CRADD: variants seen among roughly 807,000 people sequenced by gnomAD.
CRADD encodes CARD and death domain containing adaptor protein, also known as death domain-containing protein CRADD.
A neutral mutation model predicts 15.5 loss-of-function variants in CRADD; 9 were observed. The observed-to-expected ratio is 0.58, with a 90% CI of 0.35 to 1.01. The LOEUF (loss-of-function observed/expected upper bound fraction) is 1.01. Among genes scored for constraint, CRADD ranks in the 50% least tolerant of loss-of-function variants. CRADD has a pLI of 0.02. For missense variants in CRADD, 227 were observed against 250.3 expected, an observed-to-expected ratio of 0.91 and a Z score of 0.63; for synonymous variants, 118 against 107.6, an observed-to-expected ratio of 1.10 and a Z score of -0.60.
At chr12:93,872,804 C>T (rs1958432443) in intron 2 of CRADD, among the ~76,000 whole-genome samples, 1 of 152,098 alleles carries the variant, frequency 6.6e-6, no homozygotes. Context: ...GTTTTGGTTA[C>T]TATAGCTTTA....
At chr12:93,886,841 G>A (rs1275145184) in intron 2 of CRADD, among the ~76,000 whole-genome samples, 1 of 152,160 alleles carries the variant, frequency 6.6e-6, no homozygotes, top group Non-Finnish European at 1.5e-5. Flanking sequence ...AATCTGCGGA[G>A]GTTCCAAAGG....
intron 2 of CRADD, among the ~76,000 whole-genome samples, chr12:93,751,513 CT>C (rs1956828248): frequency 6.6e-6 from 1 of 152,198 alleles, no homozygotes; most frequent in Admixed American, 6.5e-5. Context: ...TTCCCAATCA[CT>C]GCTTAAACAA....
At chr12:93,855,845 G>A (rs573147091) in intron 2 of CRADD, among the ~76,000 whole-genome samples, 1 of 152,210 alleles carries the variant, frequency 6.6e-6, no homozygotes, top group Non-Finnish European at 1.5e-5. Context: ...TTGAGACGGA[G>A]TCTTGCTCTG....
chr12:93,789,269 G>C (rs1018835846), intron 2 of CRADD, among the ~76,000 whole-genome samples: 1 of 152,168 alleles, frequency 6.6e-6, no homozygotes, highest in Admixed American at 6.5e-5. Flanking sequence ...TGCCTCCAGC[G>C]GATTGCCTGG....
intron 2 of CRADD, among the ~76,000 whole-genome samples, chr12:93,760,255 A>G (rs1956937210): frequency 6.6e-6 from 1 of 152,196 alleles, no homozygotes; most frequent in Non-Finnish European, 1.5e-5. Flanking sequence ...TTCTCTTGGA[A>G]AAGAGCGAAG....
intron 2 of CRADD, among the ~76,000 whole-genome samples, chr12:93,819,103 C>T (rs1957740834): frequency 6.6e-6 from 1 of 152,262 alleles, no homozygotes; most frequent in African/African-American, 2.4e-5. Context: ...TGACTCATGT[C>T]ACCCATGTGG....
chr12:93,827,309 G>A (rs887715719), intron 2 of CRADD, among the ~76,000 whole-genome samples: 9 of 152,122 alleles, frequency 5.9e-5, no homozygotes, highest in African/African-American at 2.2e-4. Context: ...CACATAAATG[G>A]AGTTCTACAG....
intron 2 of CRADD, among the ~76,000 whole-genome samples, chr12:93,730,809 G>A (rs1956450817): frequency 1.3e-5 from 2 of 151,218 alleles, no homozygotes; most frequent in African/African-American, 2.4e-5. Flanking sequence ...TCCACCTCCC[G>A]GGTTCAAGCT....
intron 2 of CRADD, among the ~76,000 whole-genome samples, chr12:93,816,786 C>T (rs1051412491): frequency 4.6e-5 from 7 of 152,118 alleles, no homozygotes; most frequent in South Asian, 2.1e-4. Flanking sequence ...GGATGGGGAA[C>T]GGGGGTGCAG....
chr12:93,804,139 C>T (rs1957508177), intron 2 of CRADD, among the ~76,000 whole-genome samples: 1 of 151,920 alleles, frequency 6.6e-6, no homozygotes, highest in African/African-American at 2.4e-5. Flanking sequence ...TACACCATCC[C>T]ATACAAAACA....
At chr12:93,697,268 A>T (rs1373915757) in intron 2 of CRADD, among the ~76,000 whole-genome samples, 1 of 152,186 alleles carries the variant, frequency 6.6e-6, no homozygotes, top group African/African-American at 2.4e-5. Flanking sequence ...TCATGAATAG[A>T]TTAGTGCCTG....
chr12:93,865,590 TA>T (rs1157615922), intron 2 of CRADD, among the ~76,000 whole-genome samples: 5 of 152,132 alleles, frequency 3.3e-5, no homozygotes, highest in Non-Finnish European at 1.5e-5. Context: ...GGCTGATTTT[TA>T]AAAATTTTTT....
chr12:93,798,675 G>A (rs565530262), intron 2 of CRADD, among the ~76,000 whole-genome samples: 1 of 152,246 alleles, frequency 6.6e-6, no homozygotes, highest in African/African-American at 2.4e-5. Context: ...CTCAGCTCCT[G>A]AACACCTGGA....
intron 2 of CRADD, among the ~76,000 whole-genome samples, chr12:93,738,831 GAAGGA>G (rs1956625650): frequency 7.7e-6 from 1 of 129,438 alleles, no homozygotes; most frequent in Non-Finnish European, 1.8e-5. Context: ...GAGAAAGAAA[GAAGGA>G]AAGAGAGGGA....
intron 2 of CRADD, among the ~76,000 whole-genome samples, chr12:93,873,185 A>G (rs1958434788): frequency 6.6e-6 from 1 of 152,010 alleles, no homozygotes; most frequent in South Asian, 2.1e-4. Flanking sequence ...AAATGGGATT[A>G]CTTTTTTCAT....
chr12:93,781,488 T>G (rs1276029794), intron 2 of CRADD, among the ~76,000 whole-genome samples: 2 of 152,202 alleles, frequency 1.3e-5, no homozygotes, highest in Non-Finnish European at 2.9e-5. Flanking sequence ...GCAACAACCA[T>G]TAATGAATGA....
At chr12:93,730,515 T>C (rs1211382113) in intron 2 of CRADD, among the ~76,000 whole-genome samples, 1 of 152,206 alleles carries the variant, frequency 6.6e-6, no homozygotes, top group Non-Finnish European at 1.5e-5. Context: ...CATTCTTTGA[T>C]ACAGTCTTTC....
At chr12:93,725,609 A>C (rs1272270752) in intron 2 of CRADD, among the ~76,000 whole-genome samples, 1 of 152,228 alleles carries the variant, frequency 6.6e-6, no homozygotes, top group African/African-American at 2.4e-5. Flanking sequence ...GGAATATATA[A>C]GAGATTCAGA....
intron 2 of CRADD, chr12:93,831,178 TG>T: frequency 6.5e-6 from 1 of 153,310 alleles, no homozygotes; most frequent in South Asian, 2.0e-4. Flanking sequence ...ACTATGCAGA[TG>T]GGTGTCTGCA....
Sources: gnomAD v4.1 joint callset for allele counts (sites outside exome capture counted in the v4.1 genomes callset) on GRCh38, gnomAD v4.1.1 for gene constraint, MANE v1.5 for transcripts, NCBI Gene and HGNC (gene_info 2026-07-23, HGNC 2026-07-21) for gene names.